Variants in SMAD4 observed in about 807,000 individuals in gnomAD.
SMAD4 encodes the protein SMAD family member 4.
A neutral mutation model predicts 63.2 loss-of-function variants in SMAD4; 7 were observed. The ratio of observed to expected loss-of-function variants is 0.11; its 90% CI spans 0.06 to 0.21. The LOEUF is 0.21. Among genes scored for constraint, SMAD4 ranks in the 10% least tolerant of loss-of-function variants. The pLI is 1.00. For synonymous variants in SMAD4, 215 were observed against 235.4 expected (o/e 0.91, Z 0.79); for missense variants, 312 against 693.8 (o/e 0.45, Z 6.18).
At chr18:51,063,042 C>T (rs1033708182) in intron 8 of SMAD4, among the ~76,000 whole-genome samples, 4 of 151,078 alleles carry the variant, frequency 2.6e-5, no homozygotes, top group African/African-American at 9.7e-5. Flanking sequence ...TTAGTAGAGA[C>T]GGGGTTTCAC....
rs770614095 is a variant in SMAD4, at chr18:51,082,840, C to T, written c.*4373C>T. ...CTTTTAGCATTTTCTTCTTCTCTTTCTGATTCTTCATTTCTGACTGCCTAG... is the reference window on the plus strand; with the variant it reads ...CTTTTAGCATTTTCTTCTTCTCTTTTTGATTCTTCATTTCTGACTGCCTAG... On this transcript the variant is annotated 3_prime_UTR_variant, in exon 12 of 12. Coordinates refer to ENST00000342988, the MANE Select transcript of SMAD4 (RefSeq NM_005359.6). 4.4e-6 allele frequency: 1 copy of T among 227,778 alleles called. No homozygotes were observed. Among genetic ancestry groups the T allele is most frequent in the African/African-American group, 2.2e-5 (1 of 44,934 alleles). 14.1% of individuals were successfully genotyped at this position (227,778 alleles called of 1,614,324 possible).
chr18:51,046,940 A>G lies in SMAD4; in HGVS notation c.-107A>G. 3.0e-6 allele frequency: 3 copies of G among 990,908 alleles called. 1 individual carries two copies. The South Asian group carries it at 4.2e-5, about 14-fold the overall frequency. The allele number at this position is 990,908 out of a possible 1,614,324, so 61.4% of individuals were successfully genotyped here. ...TTTAGGTTATCCTGAATACATGTCT[A>G]ACAATTTTCCTTGCAACGTTAGCTG... On this transcript the variant is annotated 5_prime_UTR_variant, in exon 2 of 12. Coordinates refer to ENST00000342988, the MANE Select transcript of SMAD4 (RefSeq NM_005359.6).
chr18:51,058,057 A>C, intron 5 of SMAD4, 68 bp from the exon 6 acceptor site: 1 of 1,587,970 alleles, frequency 6.3e-7, no homozygotes, highest in Non-Finnish European at 8.6e-7. Context: ...TTGGTCCTTC[A>C]TTTAGTATAT....
intron 10 of SMAD4, among the ~76,000 whole-genome samples, chr18:51,073,361 T>TTTTATATATA (rs1555687088): frequency 4.5e-5 from 1 of 22,218 alleles, no homozygotes; most frequent in Non-Finnish European, 8.4e-5. Context: ...CCAGATAACA[T>TTTTATATATA]TATATATATA....
Position 51,076,784 on chromosome 18 carries a change from T to G in SMAD4, c.1447+8T>G. On this transcript the variant is annotated splice_region_variant and intron_variant, in intron 11 of 11. Transcript: ENST00000342988. ...GAATAGCTCCAGCTATCAGTAAGTA[T>G]GCTTTTCATTCTTTTTTAAAGGTAT... The G allele has an allele frequency of 6.3e-7, 1 of 1,593,334 alleles. No individual in the cohort carries two copies. The highest frequency in any genetic ancestry group is 1.1e-5 in the South Asian group (1 of 89,306).
At chr18:51,050,516 G>A (rs1350864084) in intron 4 of SMAD4, among the ~76,000 whole-genome samples, 15 of 149,578 alleles carry the variant, frequency 1.0e-4, no homozygotes, top group African/African-American at 2.2e-4. Context: ...AAAATTAGCC[G>A]GACGTGGTGG....
intron 8 of SMAD4, 125 bp downstream of exon 8, chr18:51,060,041 A>G (rs568527885): frequency 8.3e-5 from 62 of 747,062 alleles, no homozygotes; most frequent in Middle Eastern, 2.6e-4. Flanking sequence ...TCATCATGAC[A>G]TGAGTTAATC....
At chr18:51,060,588 A>G (rs1051846470) in intron 8 of SMAD4, among the ~76,000 whole-genome samples, 22 of 152,058 alleles carry the variant, frequency 1.4e-4, no homozygotes, top group Admixed American at 2.6e-4. Context: ...TATAAACTCA[A>G]TTTTCCTCCT....
intron 8 of SMAD4, among the ~76,000 whole-genome samples, chr18:51,062,417 C>T (rs1484349510): frequency 6.6e-6 from 1 of 151,974 alleles, no homozygotes; most frequent in South Asian, 2.1e-4. Context: ...TCTGTCAAAA[C>T]CTCTTTCCTT....
intron 8 of SMAD4, among the ~76,000 whole-genome samples, chr18:51,064,392 A>G (rs1269259293): frequency 6.6e-6 from 1 of 152,072 alleles, no homozygotes; most frequent in Non-Finnish European, 1.5e-5. Context: ...CACAGTGTTC[A>G]TTGTTATCTG....
intron 3 of SMAD4, 81 bp downstream of exon 3, chr18:51,048,941 A>C (rs2144406780): frequency 1.5e-6 from 2 of 1,294,706 alleles, no homozygotes; most frequent in Non-Finnish European, 2.2e-6. Flanking sequence ...AAGTTAAATT[A>C]TAAATTTGGA....
chr18:51,064,463 A>T (rs1910097616), intron 8 of SMAD4, among the ~76,000 whole-genome samples: 2 of 151,976 alleles, frequency 1.3e-5, no homozygotes, highest in Admixed American at 1.3e-4. Context: ...CAGGGACTGT[A>T]GCTGTTTTGT....
intron 7 of SMAD4, among the ~76,000 whole-genome samples, chr18:51,059,475 A>G (rs532845002): frequency 4.6e-5 from 7 of 152,370 alleles, no homozygotes; most frequent in Non-Finnish European, 7.3e-5. Context: ...TCCATTAAAT[A>G]AACATCCTTA....
At chr18:51,034,413 A>AT (rs1376491327) in intron 1 of SMAD4, among the ~76,000 whole-genome samples, 1 of 151,630 alleles carries the variant, frequency 6.6e-6, no homozygotes, top group East Asian at 1.9e-4. Flanking sequence ...TGCCAAGCTA[A>AT]TTTTTTTGTA....
rs1910598737 is a variant in SMAD4 at position 51,080,972 on chromosome 18, C to T, written c.*2505C>T. On this transcript the variant is annotated 3_prime_UTR_variant, in exon 12 of 12. Transcript: ENST00000342988. ...GTCTTGGTTTCTTTCTACTAAGAGC[C>T]ATAAAGTATAGAAATACTTCTAGTT... 5.0e-6 allele frequency: 1 copy of T among 201,350 alleles called. No homozygotes were observed. The allele number at this position is 201,350 out of a possible 1,614,324, so 12.5% of individuals were successfully genotyped here.
chr18:51,055,105 TAG>T, intron 5 of SMAD4, 112 bp downstream of exon 5: 2 of 815,380 alleles, frequency 2.5e-6, no homozygotes, highest in Non-Finnish European at 4.3e-6. Flanking sequence ...AAAGTAACTG[TAG>T]TATCTTTCAT....
chr18:51,048,826 A>G lies in SMAD4; in HGVS notation c.390A>G (p.Pro130=), dbSNP rs755862230. 6 of 1,613,890 alleles carry G rather than the reference A, an allele frequency of 3.7e-6. No homozygotes were observed. Among genetic ancestry groups the G allele is most frequent in the Admixed American group, 3.3e-5 (2 of 60,002 alleles). Residue 130 remains proline, a synonymous_variant, in exon 3 of 12, where the codon CCA becomes CCG. Coordinates refer to ENST00000342988, the MANE Select transcript of SMAD4 (RefSeq NM_005359.6). ...DLKCDSVCVN[P]YHYERVVSPG... ...AATGTGATAGTGTCTGTGTGAATCCATATCACTACGAACGAGTTGTATCAC... is the reference window on the plus strand; with the variant it reads ...AATGTGATAGTGTCTGTGTGAATCCGTATCACTACGAACGAGTTGTATCAC...
chr18:51,033,186 A>AT (rs34008927), intron 1 of SMAD4, among the ~76,000 whole-genome samples: 39,424 of 117,288 alleles, frequency 0.34, 7,847 homozygotes, highest in East Asian at 0.46. Flanking sequence ...ATAACACAGC[A>AT]TTTTTTTTTT....
At chr18:51,049,797 C>G (rs561314747) in intron 4 of SMAD4, among the ~76,000 whole-genome samples, 1 of 152,200 alleles carries the variant, frequency 6.6e-6, no homozygotes, top group Non-Finnish European at 1.5e-5. Flanking sequence ...TAAAATTGCA[C>G]TCTTTTGTAT....
Sources: allele counts gnomAD v4.1 joint callset (sites outside exome capture counted in the v4.1 genomes callset), GRCh38; gene constraint gnomAD v4.1.1; transcripts MANE v1.5; gene names NCBI Gene and HGNC (gene_info 2026-07-23, HGNC 2026-07-21).